KDM4B: variants seen among roughly 807,000 people sequenced by gnomAD.
KDM4B encodes the protein lysine demethylase 4B, also known as lysine-specific demethylase 4B.
In KDM4B, 32 loss-of-function variants were observed where a neutral mutation model predicts 125.2. The ratio of observed to expected loss-of-function variants is 0.26; its 90% confidence interval spans 0.19 to 0.34. The LOEUF (loss-of-function observed/expected upper bound fraction) is 0.34, where lower values mean the gene tolerates loss of function less well. Among genes scored for constraint, KDM4B ranks in the 10% least tolerant of loss-of-function variants. The pLI, the probability that KDM4B is intolerant of heterozygous loss-of-function variation, is 1.00. For synonymous variants in KDM4B, 721 were observed against 677.9 expected, an observed-to-expected ratio of 1.06 and a Z score of -0.99; for missense variants, 1,190 against 1,577.7, an observed-to-expected ratio of 0.75 and a Z score of 4.16.
chr19:4,998,682 C>G (rs2035276203), intron 1 of KDM4B, among the ~76,000 whole-genome samples: 1 of 152,198 alleles, frequency 6.6e-6, no homozygotes, highest in Non-Finnish European at 1.5e-5. Context: ...AGAAGAGAAT[C>G]CAGGATCAAC....
intron 5 of KDM4B, among the ~76,000 whole-genome samples, chr19:5,044,609 C>T (rs8101347): frequency 0.33 from 49,843 of 152,078 alleles, 8,454 homozygotes; most frequent in Non-Finnish European, 0.36. Flanking sequence ...AGTGCAGTGG[C>T]GCAATCTCAG....
chr19:5,038,096 T>C (rs1041792253), intron 3 of KDM4B, among the ~76,000 whole-genome samples: 2 of 152,238 alleles, frequency 1.3e-5, no homozygotes, highest in Admixed American at 6.5e-5. Context: ...AGGGGCAGCT[T>C]GCCAGATTCC....
intron 9 of KDM4B, among the ~76,000 whole-genome samples, chr19:5,105,774 T>A (rs1271532668): frequency 6.6e-6 from 1 of 152,226 alleles, no homozygotes; most frequent in Non-Finnish European, 1.5e-5. Context: ...AGTGACTGTT[T>A]GCAGCTTTAC....
intron 18 of KDM4B, among the ~76,000 whole-genome samples, chr19:5,138,707 A>G (rs1045836621): frequency 6.6e-6 from 1 of 152,146 alleles, no homozygotes; most frequent in African/African-American, 2.4e-5. Flanking sequence ...TGCCCTCTTA[A>G]GAAGCATCTG....
At position 5,133,974 on chromosome 19, in the gene KDM4B, C is replaced by T. The variant is rs2146069162; in HGVS notation, c.1998C>T (p.Ser666=). ...TGCAGTGGAAGAACAGGGCGGCCAG[C>T]TTCCAGGCCGAGAGGAAGTTCAACG... ...LSLQWKNRAA[S]FQAERKFNAA... The change falls in exon 14 of 23, where the codon AGC becomes AGT. Residue 666 remains serine, a synonymous_variant. Coordinates refer to ENST00000159111, the MANE Select transcript of KDM4B (RefSeq NM_015015.3). 6.2e-7 allele frequency: 1 copy of T among 1,612,748 alleles called. No homozygotes were observed. The highest frequency in any genetic ancestry group is 8.5e-7 in the Non-Finnish European group (1 of 1,179,934).
At chr19:5,086,690 C>T (rs906325098) in intron 9 of KDM4B, among the ~76,000 whole-genome samples, 9 of 152,152 alleles carry the variant, frequency 5.9e-5, no homozygotes, top group East Asian at 5.8e-4. Context: ...GGGGCTGCTC[C>T]GAAAGCAGGT....
chr19:5,070,294 G>A (rs1321315118), intron 6 of KDM4B, among the ~76,000 whole-genome samples: 3 of 152,162 alleles, frequency 2.0e-5, no homozygotes, highest in Admixed American at 1.3e-4. Context: ...TGCGGCTCCT[G>A]GTGCCCACCC....
intron 10 of KDM4B, among the ~76,000 whole-genome samples, chr19:5,118,879 T>G (rs2039306096): frequency 6.6e-6 from 1 of 152,170 alleles, no homozygotes; most frequent in Non-Finnish European, 1.5e-5. Flanking sequence ...GCGCCTCCTC[T>G]TGGCCCACGC....
chr19:5,128,010 C>T (rs1568314069), intron 11 of KDM4B, among the ~76,000 whole-genome samples: 1 of 152,170 alleles, frequency 6.6e-6, no homozygotes, highest in Non-Finnish European at 1.5e-5. Context: ...GCTGGAGTCC[C>T]CTGTGCACAG....
intron 18 of KDM4B, among the ~76,000 whole-genome samples, chr19:5,143,055 A>G (rs2039773996): frequency 6.6e-6 from 1 of 152,052 alleles, no homozygotes; most frequent in Admixed American, 6.5e-5. Flanking sequence ...GACCTGCGCG[A>G]TGGCTCACGC....
intron 2 of KDM4B, among the ~76,000 whole-genome samples, chr19:5,018,609 G>A (rs1451905358): frequency 6.6e-6 from 1 of 152,184 alleles, no homozygotes; most frequent in Non-Finnish European, 1.5e-5. Flanking sequence ...CTCTTTAAAG[G>A]ATACAGTTTG....
chr19:5,077,258 A>T lies in KDM4B; in HGVS notation c.677-109A>T, dbSNP rs2038146007. The T allele has an allele frequency of 1.7e-5, 15 of 878,152 alleles. No homozygotes were observed. The Admixed American group carries it at 2.4e-4, about 14-fold the overall frequency. 54.4% of individuals were successfully genotyped at this position (878,152 alleles called of 1,614,324 possible). A position where few individuals can be genotyped will look rare whatever the true frequency, so the allele number is the denominator to read the frequency against. ...TCTGGGCCGTGCTCTGTGCTCCCAC[A>T]CGCCCGCTCTCCATGGGAGGAAAGA... On this transcript the variant is annotated intron_variant, in intron 7 of 22. Transcript: ENST00000159111.
In KDM4B at chr19:5,131,919, G is replaced by A. The variant is rs767166381; in HGVS notation, c.1818G>A (p.Glu606=). Residue 606 remains glutamate (E), a synonymous_variant, in exon 13 of 23, where the codon GAG becomes GAA. Coordinates refer to ENST00000159111, the MANE Select transcript of KDM4B (RefSeq NM_015015.3). The part of the protein sequence containing the change: ...APSTFSKLKM[E]IKKSRRHPLG... ...CCACATTTTCCAAATTGAAGATGGA[G>A]ATCAAGAAGAGCCGGCGCCATCCCC... 5 of 1,612,696 alleles carry A rather than the reference G, an allele frequency of 3.1e-6. No individual in the cohort carries two copies. In the African/African-American group the frequency reaches 4.0e-5, roughly 13 times the overall value.
chr19:5,007,070 G>A (rs935444834), intron 1 of KDM4B, among the ~76,000 whole-genome samples: 3 of 152,192 alleles, frequency 2.0e-5, no homozygotes, highest in Admixed American at 6.5e-5. Context: ...CGGGGGAGGC[G>A]GAATCTTCTA....
chr19:4,995,471 G>A lies in KDM4B; in HGVS notation c.-108-20786G>A, dbSNP rs186456568. On this transcript the variant is annotated intron_variant, in intron 1 of 22. Coordinates refer to ENST00000159111, the MANE Select transcript of KDM4B (RefSeq NM_015015.3). ...TTTTTGTGTTTTTAGTAGAGACGGAGTTTCTCCATGTTGGCCAGGCTGGTC... is the reference window on the plus strand; with the variant it reads ...TTTTTGTGTTTTTAGTAGAGACGGAATTTCTCCATGTTGGCCAGGCTGGTC... Among the ~76,000 whole-genome samples the A allele has an allele frequency of 5.4e-3, 827 of 152,274 alleles. 2 individuals carry two copies. The highest frequency in any genetic ancestry group is 0.034 in the Middle Eastern group (10 of 294).
At chr19:5,096,928 T>G (rs2038838964) in intron 9 of KDM4B, among the ~76,000 whole-genome samples, 1 of 152,168 alleles carries the variant, frequency 6.6e-6, no homozygotes, top group Admixed American at 6.5e-5. Context: ...CTGTGAGTGA[T>G]TGTAAACATC....
intron 9 of KDM4B, among the ~76,000 whole-genome samples, chr19:5,097,239 A>G (rs1236666575): frequency 6.6e-6 from 1 of 152,196 alleles, no homozygotes; most frequent in Non-Finnish European, 1.5e-5. Context: ...TCGGCCATCC[A>G]GGCTTCGTGG....
At chr19:5,008,706 T>G (rs2035636896) in intron 1 of KDM4B, among the ~76,000 whole-genome samples, 1 of 151,428 alleles carries the variant, frequency 6.6e-6, no homozygotes, top group Admixed American at 6.6e-5. Flanking sequence ...TTCTCCTGCT[T>G]CAGTCCCCTG....
intron 1 of KDM4B, among the ~76,000 whole-genome samples, chr19:4,974,256 G>A (rs976150226): frequency 3.3e-5 from 5 of 151,828 alleles, no homozygotes; most frequent in African/African-American, 1.2e-4. Context: ...AAAATTACCC[G>A]GGCATGGTGG....
Sources: gnomAD v4.1 joint callset for allele counts (sites outside exome capture counted in the v4.1 genomes callset) on GRCh38, gnomAD v4.1.1 for gene constraint, MANE v1.5 for transcripts, NCBI Gene and HGNC (gene_info 2026-07-23, HGNC 2026-07-21) for gene names.